Variants in CTNND2 observed in about 807,000 individuals in gnomAD.
CTNND2 encodes the protein catenin delta 2.
In CTNND2, 22 loss-of-function variants were observed where a neutral mutation model predicts 144.4. The observed-to-expected ratio is 0.15, with a 90% CI of 0.11 to 0.22. The LOEUF (loss-of-function observed/expected upper bound fraction) is 0.22, where lower values mean the gene tolerates loss of function less well. CTNND2 is among the 10% of genes least tolerant of loss of function. The pLI is 1.00. For synonymous variants in CTNND2, 751 were observed against 695.6 expected (o/e 1.08, Z -1.25); for missense variants, 1,353 against 1,618.8 (o/e 0.84, Z 2.82).
chr5:11,082,448 G>A (rs1002390482), intron 16 of CTNND2, among the ~76,000 whole-genome samples: 3 of 152,164 alleles, frequency 2.0e-5, no homozygotes, highest in Non-Finnish European at 2.9e-5. Context: ...ATCCTGTGCC[G>A]AGCATTGAGG....
At chr5:11,268,103 A>G (rs955043211) in intron 9 of CTNND2, among the ~76,000 whole-genome samples, 3 of 152,234 alleles carry the variant, frequency 2.0e-5, no homozygotes, top group African/African-American at 7.2e-5. Flanking sequence ...GTTTTTAGAG[A>G]TGCTAGACAC....
At chr5:11,543,160 A>T (rs1216830639) in intron 3 of CTNND2, among the ~76,000 whole-genome samples, 1 of 152,230 alleles carries the variant, frequency 6.6e-6, no homozygotes, top group Non-Finnish European at 1.5e-5. Flanking sequence ...TTCAAGGGCA[A>T]CCAATATGGG....
chr5:11,657,221 T>G (rs962449537), intron 2 of CTNND2, among the ~76,000 whole-genome samples: 1 of 152,130 alleles, frequency 6.6e-6, no homozygotes, highest in Admixed American at 6.6e-5. Context: ...GAATATTTTT[T>G]GGGAATTCTC....
intron 18 of CTNND2, among the ~76,000 whole-genome samples, chr5:10,999,885 T>C (rs1739744724): frequency 6.6e-6 from 1 of 152,218 alleles, no homozygotes; most frequent in African/African-American, 2.4e-5. Context: ...TATGAAACTT[T>C]ATTATTCCCC....
chr5:11,672,967 G>T (rs1410967198), intron 2 of CTNND2, among the ~76,000 whole-genome samples: 1 of 152,078 alleles, frequency 6.6e-6, no homozygotes, highest in African/African-American at 2.4e-5. Context: ...AGATGAACCA[G>T]GTACCTCAGT....
At chr5:11,151,055 C>T (rs1757718103) in intron 12 of CTNND2, among the ~76,000 whole-genome samples, 2 of 152,226 alleles carry the variant, frequency 1.3e-5, no homozygotes, top group Non-Finnish European at 2.9e-5. Context: ...CCCACGTGGA[C>T]TCTGCTTGTT....
chr5:11,104,564 G>A (rs1752227766), intron 14 of CTNND2, among the ~76,000 whole-genome samples: 1 of 152,126 alleles, frequency 6.6e-6, no homozygotes, highest in African/African-American at 2.4e-5. Context: ...GGGGGTTAAA[G>A]GTGGAAGGAT....
intron 2 of CTNND2, among the ~76,000 whole-genome samples, chr5:11,712,996 G>A (rs1040552385): frequency 6.6e-6 from 1 of 152,098 alleles, no homozygotes; most frequent in Non-Finnish European, 1.5e-5. Context: ...TAAAGTTCGA[G>A]CCACATTCCT....
At chr5:11,090,508 G>A (rs1750659364) in intron 15 of CTNND2, among the ~76,000 whole-genome samples, 1 of 152,140 alleles carries the variant, frequency 6.6e-6, no homozygotes, top group Non-Finnish European at 1.5e-5. Flanking sequence ...CTGTCAGATC[G>A]GCAGCAGCAT....
At chr5:11,441,245 C>T (rs31833) in intron 3 of CTNND2, among the ~76,000 whole-genome samples, 19,799 of 151,918 alleles carry the variant, frequency 0.13, 3,970 homozygotes, top group African/African-American at 0.43. Flanking sequence ...TACAATTTTG[C>T]AATGTATAAT....
At chr5:11,878,168 T>G (rs1473396496) in intron 1 of CTNND2, among the ~76,000 whole-genome samples, 2 of 152,226 alleles carry the variant, frequency 1.3e-5, no homozygotes, top group Non-Finnish European at 2.9e-5. Flanking sequence ...TTATATCCTT[T>G]CTAGTTTTTC....
chr5:11,498,789 T>A (rs1434619252), intron 3 of CTNND2, among the ~76,000 whole-genome samples: 1 of 152,194 alleles, frequency 6.6e-6, no homozygotes, highest in Non-Finnish European at 1.5e-5. Context: ...TTAAAGCATA[T>A]CTTTTAACAG....
intron 9 of CTNND2, among the ~76,000 whole-genome samples, chr5:11,255,835 G>A (rs960829138): frequency 5.3e-5 from 8 of 152,238 alleles, no homozygotes; most frequent in Admixed American, 2.6e-4. Context: ...GCCTCATTAC[G>A]TCTTGCTTTG....
At chr5:11,588,731 T>C (rs1779031918) in intron 2 of CTNND2, 1 of 984,454 alleles carries the variant, frequency 1.0e-6, no homozygotes, top group South Asian at 4.7e-5. Flanking sequence ...TTTTTGTCTT[T>C]TACCTTTACT....
At chr5:11,266,348 C>T (rs181706677) in intron 9 of CTNND2, among the ~76,000 whole-genome samples, 2 of 152,234 alleles carry the variant, frequency 1.3e-5, no homozygotes, top group Admixed American at 1.3e-4. Context: ...CACACAAAAG[C>T]ATAAATAAAG....
chr5:11,355,403 A>T (rs1374864331), intron 8 of CTNND2, among the ~76,000 whole-genome samples: 1 of 152,182 alleles, frequency 6.6e-6, no homozygotes, highest in Non-Finnish European at 1.5e-5. Context: ...AGAACCAAGG[A>T]TAAAAACCAT....
In CTNND2 at chr5:11,904,066, C is replaced by T; in HGVS notation, c.-213G>A. 1 of 285,668 alleles carries T rather than the reference C, an allele frequency of 3.5e-6. No homozygotes were observed. The highest frequency in any genetic ancestry group is 8.4e-5 in the East Asian group (1 of 11,960). 17.7% of individuals were successfully genotyped at this position (285,668 alleles called of 1,614,324 possible). ...CGCGAGTGCGCAGCGCCCGGCCCGG[C>T]GGCCCCTCCGAGCTCGGCGAGCGCA... On this transcript the variant is annotated 5_prime_UTR_variant, in exon 1 of 22. Transcript: ENST00000304623. This position sits in a 1 kb window ranked among gnomAD's most constrained non-coding sequence, Gnocchi z 4.2.
intron 7 of CTNND2, among the ~76,000 whole-genome samples, chr5:11,381,914 C>T (rs1328524588): frequency 1.3e-5 from 2 of 152,100 alleles, no homozygotes; most frequent in Admixed American, 6.6e-5. Flanking sequence ...TGATAGTGAG[C>T]CAAGATCACG....
At chr5:11,509,524 A>G (rs1325954070) in intron 3 of CTNND2, among the ~76,000 whole-genome samples, 1 of 152,234 alleles carries the variant, frequency 6.6e-6, no homozygotes, top group Non-Finnish European at 1.5e-5. Context: ...TAAAGAGCGG[A>G]TCACATAAGA....
Sources: allele counts gnomAD v4.1 joint callset (sites outside exome capture counted in the v4.1 genomes callset), GRCh38; gene constraint gnomAD v4.1.1; non-coding constraint Gnocchi (gnomAD v3.1); transcripts MANE v1.5; gene names NCBI Gene and HGNC (gene_info 2026-07-23, HGNC 2026-07-21).